The following SLC6A7 variants were observed in gnomAD, a reference collection of about 807,000 sequenced individuals.
SLC6A7 encodes sodium-dependent proline transporter.
Under a neutral mutation model 73.1 loss-of-function variants are expected in SLC6A7, and 58 were observed. That is an observed-to-expected ratio of 0.79 (90% CI 0.64 to 0.99). SLC6A7 has a LOEUF of 0.99. Ranked by LOEUF, SLC6A7 falls within the 50% of genes least tolerant of loss-of-function variation. SLC6A7 has a pLI of 0.00. For missense variants in SLC6A7, 783 were observed against 831.4 expected (o/e 0.94, Z 0.72); for synonymous variants, 338 against 338.7 (o/e 1.00, Z 0.02).
chr5:150,209,917 A>C lies in SLC6A7; in HGVS notation c.*302A>C. ...AGGGGAGGGACTTGCCCCAGGTCGC[A>C]TGGCAGAGGGGACTTGAACCCACGC... On this transcript the variant is annotated 3_prime_UTR_variant, in exon 14 of 14. Coordinates refer to ENST00000230671, the MANE Select transcript of SLC6A7 (RefSeq NM_014228.5). 1 of 415,832 alleles carries C rather than the reference A, an allele frequency of 2.4e-6. No homozygotes were observed. Among genetic ancestry groups the C allele is most frequent in the Middle Eastern group, 7.0e-4 (1 of 1,436 alleles). 25.8% of individuals were successfully genotyped at this position (415,832 alleles called of 1,614,324 possible).
At chr5:150,207,316 C>T (rs1315667970) in intron 13 of SLC6A7, among the ~76,000 whole-genome samples, 3 of 152,076 alleles carry the variant, frequency 2.0e-5, no homozygotes, top group Admixed American at 6.5e-5. Flanking sequence ...GGTGCAGTGA[C>T]GCCATCTGGG....
chr5:150,204,002 G>A lies in SLC6A7; in HGVS notation c.1296G>A (p.Val432=). 6.2e-7 allele frequency: 1 copy of A among 1,613,658 alleles called. No homozygotes were observed. The stretch of plus-strand genomic sequence containing the variant: ...CGGTGTTCTCAGGGCTCATCTGCGT[G>A]GCCATGTACCTGATGGGGCTGATCC... ...KKAVFSGLIC[V]AMYLMGLILT... is the part of the protein sequence containing the mutation. The change falls in exon 10 of 14, where the codon GTG becomes GTA. Residue 432 remains valine, a synonymous_variant. Transcript: ENST00000230671.
chr5:150,196,188 G>A (rs1056140428), intron 2 of SLC6A7, among the ~76,000 whole-genome samples: 14 of 152,184 alleles, frequency 9.2e-5, no homozygotes, highest in African/African-American at 2.9e-4. Flanking sequence ...GCCCAAGGTC[G>A]CCTAGGAGGG....
intron 13 of SLC6A7, among the ~76,000 whole-genome samples, chr5:150,208,875 G>A (rs560787658): frequency 6.9e-4 from 105 of 152,320 alleles, no homozygotes; most frequent in African/African-American, 2.4e-3. Flanking sequence ...GAGGCAGGTC[G>A]GGGCTGGAAG....
rs1753581950 is a variant in SLC6A7 at position 150,204,621 on chromosome 5, A to G, written c.1422A>G (p.Thr474=). ...TTATCACCACGTGCCTTGCCGTGAC[A>G]CGGGTGTATGGTGAGAAGAGCCGTG... ...VVVITTCLAV[T]RVYGIQRFCR... The change falls in exon 11 of 14, where the codon ACA becomes ACG. Residue 474 remains threonine, a synonymous_variant. Coordinates refer to ENST00000230671, the MANE Select transcript of SLC6A7 (RefSeq NM_014228.5). 1 of 1,610,620 alleles carries G rather than the reference A, an allele frequency of 6.2e-7. No individual in the cohort carries two copies. The highest frequency in any genetic ancestry group is 8.5e-7 in the Non-Finnish European group (1 of 1,176,786).
intron 4 of SLC6A7, among the ~76,000 whole-genome samples, chr5:150,198,112 A>C (rs1353330872): frequency 2.3e-5 from 2 of 88,380 alleles, no homozygotes; most frequent in Non-Finnish European, 5.6e-5. Context: ...AGAAAGAAAG[A>C]AAGAGAAAGA....
At position 150,210,871 on chromosome 5, in the gene SLC6A7, T is replaced by G. The variant is rs1371176365; in HGVS notation, c.*1256T>G. 1.3e-5 allele frequency: 2 copies of G among 152,388 alleles called. No individual in the cohort carries two copies. Among genetic ancestry groups the G allele is most frequent in the Non-Finnish European group, 2.9e-5 (2 of 68,110 alleles). The allele number at this position is 152,388 out of a possible 1,614,324, so 9.4% of individuals were successfully genotyped here. ...GGGCAGAGGGTAGCCCTTGGTACTG[T>G]GGGTCCCTCAAAGAGGAGAGTGGGG... On this transcript the variant is annotated 3_prime_UTR_variant, in exon 14 of 14. Transcript: ENST00000230671.
intron 7 of SLC6A7, 22 bp from the exon 8 acceptor site, chr5:150,202,557 G>A (rs780393155): frequency 4.6e-5 from 74 of 1,613,296 alleles, no homozygotes; most frequent in Middle Eastern, 1.6e-4. Flanking sequence ...ACCCTGGCCC[G>A]CACCTGGACT....
At chr5:150,204,716 C>T (rs894596369) in intron 11 of SLC6A7, 85 bp downstream of exon 11, 2 of 1,365,554 alleles carry the variant, frequency 1.5e-6, no homozygotes, top group African/African-American at 1.4e-5. Flanking sequence ...TACCTGGGTC[C>T]CTGGTCCCAA....
chr5:150,197,548 A>G (rs1197830662), intron 4 of SLC6A7, among the ~76,000 whole-genome samples: 1 of 152,252 alleles, frequency 6.6e-6, no homozygotes, highest in Non-Finnish European at 1.5e-5. Context: ...GAGAAAGCAT[A>G]TATTAATAAA....
chr5:150,198,110 A>AGAAG (rs1554115639), intron 4 of SLC6A7, among the ~76,000 whole-genome samples: 4,263 of 93,332 alleles, frequency 0.046, 399 homozygotes, highest in African/African-American at 0.19. Flanking sequence ...AAAGAAAGAA[A>AGAAG]GAAAGAGAAA....
chr5:150,200,161 AGGTGATGAAGG>A (rs1232577108), intron 5 of SLC6A7, among the ~76,000 whole-genome samples: 20 of 152,276 alleles, frequency 1.3e-4, no homozygotes, highest in African/African-American at 3.6e-4. Context: ...TGTCTACTTT[AGGTGATGAAGG>A]GGTGGAAAGG....
chr5:150,200,082 C>A (rs1193443504), intron 5 of SLC6A7, among the ~76,000 whole-genome samples: 1 of 152,094 alleles, frequency 6.6e-6, no homozygotes, highest in Non-Finnish European at 1.5e-5. Context: ...AGAGTCAGCT[C>A]CATGGTGGGA....
intron 5 of SLC6A7, among the ~76,000 whole-genome samples, chr5:150,200,010 G>A (rs1041856590): frequency 1.4e-4 from 22 of 152,184 alleles, no homozygotes; most frequent in Non-Finnish European, 3.1e-4. Context: ...CCTGTGGCCC[G>A]GAGGATGGAA....
chr5:150,202,426 A>G lies in SLC6A7; in HGVS notation c.938A>G (p.Asn313Ser). Residue 313 changes from asparagine to serine, a missense_variant, in exon 7 of 14, where the codon AAC (asparagine) becomes AGC (serine). Transcript: ENST00000230671. ...FGGLLTFASY[N>S]TFHQNIYRDT... ...GGGCTCCTCACCTTTGCCTCCTACA[A>G]CACGTTTCACCAGAACATCTATAGG... The G allele has an allele frequency of 6.2e-7, 1 of 1,614,040 alleles. No individual in the cohort carries two copies. Among genetic ancestry groups the G allele is most frequent in the Non-Finnish European group, 8.5e-7 (1 of 1,179,920 alleles).
intron 13 of SLC6A7, among the ~76,000 whole-genome samples, chr5:150,209,094 A>G (rs1345220325): frequency 6.6e-6 from 1 of 152,240 alleles, no homozygotes; most frequent in Non-Finnish European, 1.5e-5. Flanking sequence ...TAAGTGCGTC[A>G]TCTCAGTGCC....
In SLC6A7 at chr5:150,205,536, G is replaced by A; in HGVS notation, c.1614G>A (p.Leu538=). ...GCTTCCCGCCCTGGGCTGAGCTGCT[G>A]GGCATCCTGATGGGCCTGCTGTCCT... ...SYRFPPWAEL[L]GILMGLLSCL... is the part of the protein sequence containing the mutation. Residue 538 remains leucine, a synonymous_variant, in exon 13 of 14, where the codon CTG becomes CTA. Transcript: ENST00000230671. The A allele has an allele frequency of 6.2e-7, 1 of 1,613,700 alleles. No individual in the cohort carries two copies. Among genetic ancestry groups the A allele is most frequent in the African/African-American group, 1.3e-5 (1 of 75,014 alleles).
In SLC6A7 at chr5:150,208,175, T is replaced by C. The variant is rs181786505; in HGVS notation, c.1702-1231T>C. Among the ~76,000 whole-genome samples the C allele has an allele frequency of 4.0e-3, 607 of 150,050 alleles. 6 individuals are homozygous for C. Among genetic ancestry groups the C allele is most frequent in the African/African-American group, 0.014 (587 of 40,898 alleles). On this transcript the variant is annotated intron_variant, in intron 13 of 13. Transcript: ENST00000230671. ...GTGGGGGACAGGCAATAAAGAAATA[T>C]GTAAAGGTAAGTTCTGCACTTAAAA...
At position 150,205,878 on chromosome 5, in the gene SLC6A7, G is replaced by A. The variant is rs142691248; in HGVS notation, c.1701+255G>A. 3.6e-3 allele frequency among the ~76,000 whole-genome samples: 553 copies of A among 152,236 alleles called. 1 individual carries two copies. The highest frequency in any genetic ancestry group is 0.013 in the African/African-American group (523 of 41,528). ...CCAGGAACTGGCCCCAGGTCCCACC[G>A]TGGGTTGGGGGTGTGTCAGGTCTTG... On this transcript the variant is annotated intron_variant, in intron 13 of 13. Coordinates refer to ENST00000230671, the MANE Select transcript of SLC6A7 (RefSeq NM_014228.5).
Sources: allele counts gnomAD v4.1 joint callset (sites outside exome capture counted in the v4.1 genomes callset), GRCh38; gene constraint gnomAD v4.1.1; transcripts MANE v1.5; gene names NCBI Gene and HGNC (gene_info 2026-07-23, HGNC 2026-07-21).